The following SP140 variants were observed in gnomAD, a reference collection of about 807,000 sequenced individuals.
SP140 encodes the protein nuclear body protein SP140.
In SP140, 81 loss-of-function variants were observed where a neutral mutation model predicts 125.0. The ratio of observed to expected loss-of-function variants is 0.65; its 90% CI spans 0.54 to 0.78. The LOEUF (loss-of-function observed/expected upper bound fraction) is 0.78, where lower values mean the gene tolerates loss of function less well. Ranked by LOEUF, SP140 falls within the 30% of genes least tolerant of loss-of-function variation. The probability of loss-of-function intolerance (pLI) is 0.00; values close to 1 mark genes in which losing one functional copy is unlikely to be tolerated. For missense variants in SP140, 858 were observed against 1,037.0 expected (o/e 0.83, Z 2.37); for synonymous variants, 312 against 354.0 (o/e 0.88, Z 1.33).
chr2:230,316,477 T>C (rs2059484189), downstream of SP140, among the ~76,000 whole-genome samples: 1 of 152,174 alleles, frequency 6.6e-6, no homozygotes. Flanking sequence ...AGGCAGTGGG[T>C]ATACCATCTT....
downstream of SP140, among the ~76,000 whole-genome samples, chr2:230,314,337 G>C (rs183441740): frequency 6.6e-6 from 1 of 152,210 alleles, no homozygotes; most frequent in African/African-American, 2.4e-5. Context: ...TGGGCAGGGC[G>C]GCAAAGTGAA....
chr2:230,200,986 G>A, upstream of SP140: 2 of 1,577,074 alleles, frequency 1.3e-6, no homozygotes, highest in South Asian at 1.1e-5. Context: ...AAAGATCTTA[G>A]TAAATGCCCC....
intron 21 of SP140, 41 bp from the exon 22 acceptor site, chr2:230,297,380 G>A (rs1348850863): frequency 1.3e-6 from 2 of 1,587,692 alleles, no homozygotes; most frequent in Non-Finnish European, 1.7e-6. Flanking sequence ...TGGAAACAAT[G>A]CATTCAATAT....
chr2:230,287,723 C>T (rs962098492), intron 17 of SP140, among the ~76,000 whole-genome samples, 169 bp from the exon 18 acceptor site: 1 of 152,162 alleles, frequency 6.6e-6, no homozygotes, highest in African/African-American at 2.4e-5. Context: ...GTGAACCTAA[C>T]ATTAGCTATC....
chr2:230,238,939 T>C (rs1050464279), intron 3 of SP140: 1 of 1,542,428 alleles, frequency 6.5e-7, no homozygotes, highest in Admixed American at 2.0e-5. Flanking sequence ...AATTGCAGAC[T>C]GTGGGAGGCA....
intron 14 of SP140, 112 bp downstream of exon 14, chr2:230,270,065 C>T (rs2053701503): frequency 7.0e-6 from 5 of 717,176 alleles, no homozygotes; most frequent in Non-Finnish European, 9.8e-6. Context: ...TCCGCATTTG[C>T]TTGACCTGAG....
intron 21 of SP140, 71 bp downstream of exon 21, chr2:230,294,389 T>C: frequency 8.3e-7 from 1 of 1,206,866 alleles, no homozygotes; most frequent in Non-Finnish European, 1.2e-6. Flanking sequence ...TCTTATTTTA[T>C]GGGGTCTGAA....
At chr2:230,284,751 T>C (rs1234255329) in intron 16 of SP140, among the ~76,000 whole-genome samples, 1 of 152,214 alleles carries the variant, frequency 6.6e-6, no homozygotes, top group Non-Finnish European at 1.5e-5. Context: ...GTGTGCACAA[T>C]AGTAAACATA....
At position 230,238,274 on chromosome 2, in the gene SP140, G is replaced by A. The variant is rs772064462; in HGVS notation, c.299G>A (p.Ser100Asn). 2 of 1,613,674 alleles carry A rather than the reference G, an allele frequency of 1.2e-6. No individual in the cohort carries two copies. The highest frequency in any genetic ancestry group is 1.7e-6 in the Non-Finnish European group (2 of 1,179,602). ...ACAAGAGTGATGTATTGTGTACTCA[G>A]TGAACTGGAGAAGACATTTGGCTGG... is the stretch of plus-strand genomic sequence containing the variant. Reference protein sequence around the residue: ...PVTRVMYCVLSELEKTFGWSH... With the variant: ...PVTRVMYCVLNELEKTFGWSH... Residue 100 changes from serine to asparagine, a missense_variant, in exon 3 of 27, where the codon AGT (serine) becomes AAT (asparagine). Around this residue, in one of 4 missense-constraint regions of SP140, gnomAD observed 791 missense variants for 869.5 expected, o/e 0.91. Coordinates refer to ENST00000392045, the MANE Select transcript of SP140 (RefSeq NM_007237.5).
At chr2:230,219,771 G>T in intron 3 of SP140, 1 of 244,900 alleles carries the variant, frequency 4.1e-6, no homozygotes, top group Non-Finnish European at 6.5e-6. Context: ...GAGCCTCAGA[G>T]TTTAAATAGT....
At chr2:230,273,649 A>G (rs565956764) in intron 15 of SP140, among the ~76,000 whole-genome samples, 27 of 152,336 alleles carry the variant, frequency 1.8e-4, no homozygotes, top group Admixed American at 3.3e-4. Context: ...ATGCACATGT[A>G]TGCTTATCTC....
rs139628448 is a variant in SP140 at position 230,295,866 on chromosome 2, A to G, written c.2016+1548A>G. Among the ~76,000 whole-genome samples, 182 of 152,338 alleles carry G rather than the reference A, an allele frequency of 1.2e-3. 2 individuals are homozygous for G. Among genetic ancestry groups the G allele is most frequent in the African/African-American group, 4.1e-3 (169 of 41,586 alleles). ...TCCAGTGATTTCTAAGTGAATCAAC[A>G]TTCATTTATTCACCCACTCAACATA... On this transcript the variant is annotated intron_variant, in intron 21 of 26. Coordinates refer to ENST00000392045, the MANE Select transcript of SP140 (RefSeq NM_007237.5).
intron 1 of SP140, chr2:230,213,154 G>A (rs542940565): frequency 4.1e-4 from 358 of 868,840 alleles, no homozygotes; most frequent in Admixed American, 1.8e-3. Flanking sequence ...CCCAGGTGCA[G>A]AGAACTGATT....
At chr2:230,258,649 T>G (rs62191186) in intron 12 of SP140, among the ~76,000 whole-genome samples, 13,757 of 152,320 alleles carry the variant, frequency 0.09, 834 homozygotes, top group Middle Eastern at 0.12. Flanking sequence ...TGTTGATCAC[T>G]GAAAATGTCA....
In SP140 at chr2:230,211,537, C is replaced by A. The variant is rs556499073; in HGVS notation, c.-322-2117C>A. The A allele has an allele frequency of 1.2e-6, 2 of 1,608,576 alleles. No individual in the cohort carries two copies. The highest frequency in any genetic ancestry group is 2.7e-5 in the African/African-American group (2 of 74,904). ...CTTCTTTATCTCTTATTTGGGGGAT[C>A]AGGTTGTCACTGGCCACTGAATGGA... On this transcript the variant is annotated intron_variant, in intron 1 of 4. Coordinates refer to the SP140 transcript ENST00000456542. This position sits in a 1 kb window ranked among gnomAD's most constrained non-coding sequence, Gnocchi z 4.2.
chr2:230,208,058 T>G, intron 1 of SP140: 2 of 1,496,934 alleles, frequency 1.3e-6, no homozygotes, highest in African/African-American at 2.8e-5. Flanking sequence ...TTCTTTTCTT[T>G]CCTAAAAAGA....
At chr2:230,282,809 G>A (rs62191201) in intron 15 of SP140, among the ~76,000 whole-genome samples, 7 of 152,314 alleles carry the variant, frequency 4.6e-5, no homozygotes, top group East Asian at 1.9e-4. Flanking sequence ...GTATACAATT[G>A]TTGGGCTTCC....
the SP140 span, among the ~76,000 whole-genome samples, chr2:230,196,832 G>C: frequency 2.6e-3 from 391 of 152,186 alleles, 1 homozygote; most frequent in African/African-American, 8.6e-3. Context: ...AGAGAATGAT[G>C]GTTTCCAGTT....
At chr2:230,286,697 T>C (rs1238806646) in intron 17 of SP140, among the ~76,000 whole-genome samples, 1 of 152,200 alleles carries the variant, frequency 6.6e-6, no homozygotes, top group East Asian at 1.9e-4. Context: ...GCATAATCAG[T>C]TCCACCAACT....
Sources: gnomAD v4.1 joint callset for allele counts (sites outside exome capture counted in the v4.1 genomes callset) on GRCh38, gnomAD v4.1.1 for gene constraint, gnomAD v4.1.1 regional missense constraint, Gnocchi (gnomAD v3.1) non-coding constraint, MANE v1.5 for transcripts, NCBI Gene and HGNC (gene_info 2026-07-23, HGNC 2026-07-21) for gene names.